Variants in PALS1 observed in about 807,000 individuals in gnomAD.
PALS1 encodes the protein protein associated with LIN7 1, MAGUK p55 family member.
A neutral mutation model predicts 78.9 loss-of-function variants in PALS1; 31 were observed. The observed-to-expected ratio is 0.39, with a 90% CI of 0.30 to 0.53. PALS1 has a LOEUF of 0.53. Ranked by LOEUF, PALS1 falls within the 20% of genes least tolerant of loss-of-function variation. The pLI is 0.67. For missense variants in PALS1, 704 were observed against 826.5 expected (o/e 0.85, Z 1.82); for synonymous variants, 276 against 270.9 (o/e 1.02, Z -0.18).
Position 67,320,385 on chromosome 14 carries a change from T to A in PALS1, c.1525T>A (p.Ser509Thr). The change falls in exon 12 of 15, where the codon TCT (serine) becomes ACT (threonine). Residue 509 changes from serine to threonine, a missense_variant. Coordinates refer to ENST00000261681, the MANE Select transcript of PALS1 (RefSeq NM_022474.4). The stretch of plus-strand genomic sequence containing the variant: ...GAACAAAGAAAAGGACCGCTTTGCA[T>A]CTGCAGTTCCTCGTAAGTTTGAATG... ...LMNKEKDRFA[S>T]AVPHTTRSRR... The A allele has an allele frequency of 6.2e-7, 1 of 1,604,686 alleles. No homozygotes were observed. Among genetic ancestry groups the A allele is most frequent in the Non-Finnish European group, 8.5e-7 (1 of 1,176,468 alleles).
chr14:67,325,750 A>G (rs2085343439), intron 14 of PALS1, among the ~76,000 whole-genome samples: 1 of 151,996 alleles, frequency 6.6e-6, no homozygotes, highest in Admixed American at 6.6e-5. Flanking sequence ...TTTTTCCAAC[A>G]AGGATTTGCT....
intron 9 of PALS1, among the ~76,000 whole-genome samples, chr14:67,315,421 T>C (rs988444888): frequency 6.6e-6 from 1 of 151,686 alleles, no homozygotes; most frequent in Non-Finnish European, 1.5e-5. Context: ...GGACTACAGG[T>C]GCCCACCACC....
chr14:67,254,100 G>C (rs2084107367), intron 1 of PALS1: 1 of 132,046 alleles, frequency 7.6e-6, no homozygotes, highest in South Asian at 2.3e-4. Context: ...TACAGTTCTA[G>C]TGTGGCATTT....
At chr14:67,242,619 G>C (rs1018957928) in intron 1 of PALS1, among the ~76,000 whole-genome samples, 1 of 151,772 alleles carries the variant, frequency 6.6e-6, no homozygotes, top group African/African-American at 2.4e-5. Context: ...CTTGAATTAA[G>C]AACTACGATT....
intron 1 of PALS1, among the ~76,000 whole-genome samples, chr14:67,256,322 G>A (rs1384810832): frequency 1.3e-5 from 2 of 152,060 alleles, no homozygotes; most frequent in Non-Finnish European, 2.9e-5. Flanking sequence ...ACTTGCGTTT[G>A]TTTCATGTCA....
rs1263917302 is a variant in PALS1 at position 67,333,249 on chromosome 14, C to T, written c.*293C>T. On this transcript the variant is annotated 3_prime_UTR_variant, in exon 15 of 15. Transcript: ENST00000261681. ...TCCTGTTAAAACCTTTTGTTTTCAC[C>T]TAAACCCTTTCTGCTTAGTTGTATC... The T allele has an allele frequency of 4.2e-6, 1 of 236,250 alleles. No homozygotes were observed. Among genetic ancestry groups the T allele is most frequent in the Non-Finnish European group, 8.2e-6 (1 of 121,850 alleles). The allele number at this position is 236,250 out of a possible 1,614,324, so 14.6% of individuals were successfully genotyped here.
intron 14 of PALS1, among the ~76,000 whole-genome samples, chr14:67,329,571 T>C (rs1302439566): frequency 6.6e-6 from 1 of 152,196 alleles, no homozygotes; most frequent in Non-Finnish European, 1.5e-5. Context: ...TCAAAGGGAA[T>C]GCTTCCAGTT....
rs75570435 is a variant in PALS1, at chr14:67,248,649, C to A, written c.-237+7116C>A. ...CTTTAAGGCAGGGGTCAACAACTTT[C>A]GGTAAGTATTTTAGCTTCGTGGGCC... On this transcript the variant is annotated intron_variant, in intron 1 of 14. Coordinates refer to ENST00000261681, the MANE Select transcript of PALS1 (RefSeq NM_022474.4). Among the ~76,000 whole-genome samples the A allele has an allele frequency of 4.5e-3, 682 of 152,180 alleles. 3 individuals carry two copies. The highest frequency in any genetic ancestry group is 6.5e-3 in the Non-Finnish European group (441 of 68,012).
intron 3 of PALS1, among the ~76,000 whole-genome samples, chr14:67,288,828 T>G (rs746239372): frequency 2.6e-5 from 4 of 152,168 alleles, no homozygotes; most frequent in East Asian, 1.9e-4. Flanking sequence ...GGCCACAGCT[T>G]CTTAGGTCAT....
At chr14:67,321,026 C>T in intron 12 of PALS1, 31 bp from the exon 13 acceptor site, 1 of 1,596,084 alleles carries the variant, frequency 6.3e-7, no homozygotes. Flanking sequence ...TAAGCCATGC[C>T]TGTTATTTCT....
Position 67,273,186 on chromosome 14 carries a change from A to T in PALS1, c.-154+3403A>T, listed in dbSNP as rs145375130. On this transcript the variant is annotated intron_variant, in intron 2 of 14. Coordinates refer to ENST00000261681, the MANE Select transcript of PALS1 (RefSeq NM_022474.4). ...CAACGTGCAGGTTTCTTACATATGT[A>T]TGCATGTGCCATGTTGGTGTGCTGC... 4.3e-4 allele frequency among the ~76,000 whole-genome samples: 65 copies of T among 150,238 alleles called. 1 individual carries two copies. Among genetic ancestry groups the T allele is most frequent in the African/African-American group, 1.4e-3 (59 of 40,768 alleles).
intron 2 of PALS1, among the ~76,000 whole-genome samples, chr14:67,276,882 G>C (rs1168629410): frequency 6.6e-6 from 1 of 152,108 alleles, no homozygotes; most frequent in Non-Finnish European, 1.5e-5. Context: ...AGTGAATATG[G>C]ACACAGATGT....
chr14:67,246,649 G>GTT (rs71129814), intron 1 of PALS1, among the ~76,000 whole-genome samples: 2,061 of 112,176 alleles, frequency 0.018, 115 homozygotes, highest in East Asian at 0.09. Context: ...CCTACTATAG[G>GTT]TTTTTTTTTT....
At chr14:67,251,538 CA>C (rs543802938) in intron 1 of PALS1, among the ~76,000 whole-genome samples, 49 of 149,804 alleles carry the variant, frequency 3.3e-4, no homozygotes, top group Middle Eastern at 3.2e-3. Context: ...GAACCTGTCT[CA>C]AAAAAAAAGT....
intron 3 of PALS1, among the ~76,000 whole-genome samples, chr14:67,285,217 G>T (rs1440824175): frequency 1.5e-4 from 23 of 152,148 alleles, no homozygotes; most frequent in Non-Finnish European, 3.2e-4. Context: ...CTGAGGACAG[G>T]TTAAAAGAGT....
chr14:67,259,101 C>T (rs1188810310), intron 1 of PALS1, among the ~76,000 whole-genome samples: 2 of 151,870 alleles, frequency 1.3e-5, no homozygotes, highest in Admixed American at 1.3e-4. Context: ...CCTCGGCTTC[C>T]CAAAGTGCTG....
intron 2 of PALS1, among the ~76,000 whole-genome samples, chr14:67,276,088 T>G (rs1486899513): frequency 1.3e-5 from 2 of 152,230 alleles, no homozygotes; most frequent in Non-Finnish European, 2.9e-5. Flanking sequence ...TCATTGATTT[T>G]TTGAAGGGTT....
At chr14:67,278,020 G>A (rs1447926812) in intron 2 of PALS1, among the ~76,000 whole-genome samples, 1 of 150,864 alleles carries the variant, frequency 6.6e-6, no homozygotes, top group Admixed American at 6.6e-5. Flanking sequence ...TGTAATTCTT[G>A]TAGAGTTAAC....
rs2085494221 is a variant in PALS1 at position 67,334,222 on chromosome 14, T to C, written c.*1266T>C. The stretch of plus-strand genomic sequence containing the variant: ...CCTCTTATGACGAGAATGCAACAGC[T>C]TGGTAAATCATAAAAGAAACATTTA... On this transcript the variant is annotated 3_prime_UTR_variant, in exon 15 of 15. Coordinates refer to ENST00000261681, the MANE Select transcript of PALS1 (RefSeq NM_022474.4). 6.6e-6 allele frequency: 1 copy of C among 152,638 alleles called. No individual in the cohort carries two copies. Among genetic ancestry groups the C allele is most frequent in the Admixed American group, 6.5e-5 (1 of 15,280 alleles). The allele number at this position is 152,638 out of a possible 1,614,324, so 9.5% of individuals were successfully genotyped here.
Sources: gnomAD v4.1 joint callset for allele counts (sites outside exome capture counted in the v4.1 genomes callset) on GRCh38, gnomAD v4.1.1 for gene constraint, MANE v1.5 for transcripts, NCBI Gene and HGNC (gene_info 2026-07-23, HGNC 2026-07-21) for gene names.